The following GALNTL6 variants were observed in gnomAD, a reference collection of about 807,000 sequenced individuals.
GALNTL6 encodes the protein polypeptide N-acetylgalactosaminyltransferase-like 6.
GALNTL6 carries 46 observed loss-of-function variants against 73.7 expected under a neutral mutation model. The ratio of observed to expected loss-of-function variants is 0.62; its 90% CI spans 0.49 to 0.80. GALNTL6 has a LOEUF of 0.80. Ranked by LOEUF, GALNTL6 falls within the 30% of genes least tolerant of loss-of-function variation. The pLI, the probability that GALNTL6 is intolerant of heterozygous loss-of-function variation, is 0.00. For missense variants in GALNTL6, 604 were observed against 755.0 expected (o/e 0.80, Z 2.34); for synonymous variants, 259 against 263.7 (o/e 0.98, Z 0.17).
chr4:172,586,285 G>A (rs886250062), intron 5 of GALNTL6, among the ~76,000 whole-genome samples: 1 of 152,054 alleles, frequency 6.6e-6, no homozygotes, highest in Non-Finnish European at 1.5e-5. Context: ...CCTTTTATAT[G>A]TCACAGGATA....
At chr4:172,810,112 TAC>T (rs1741205415) in intron 6 of GALNTL6, among the ~76,000 whole-genome samples, 1 of 152,214 alleles carries the variant, frequency 6.6e-6, no homozygotes, top group Non-Finnish European at 1.5e-5. Context: ...GCCCTAAATA[TAC>T]AGTTCTTTGT....
chr4:172,671,402 G>A (rs939051357), intron 5 of GALNTL6, among the ~76,000 whole-genome samples: 1 of 151,492 alleles, frequency 6.6e-6, no homozygotes, highest in African/African-American at 2.4e-5. Context: ...ATTTTGTTTT[G>A]TGTGTGTGTT....
At chr4:172,376,414 G>A (rs1204510247) in intron 5 of GALNTL6, among the ~76,000 whole-genome samples, 2 of 152,090 alleles carry the variant, frequency 1.3e-5, no homozygotes, top group Non-Finnish European at 2.9e-5. Flanking sequence ...CGGCACCCCG[G>A]AGCTGAATGG....
intron 5 of GALNTL6, among the ~76,000 whole-genome samples, chr4:172,672,385 T>C (rs1285183964): frequency 1.3e-5 from 2 of 152,250 alleles, no homozygotes; most frequent in African/African-American, 2.4e-5. Flanking sequence ...CTACACTTTT[T>C]GATAGATAAC....
chr4:171,829,682 T>G (rs1734915545), intron 2 of GALNTL6, among the ~76,000 whole-genome samples: 1 of 152,120 alleles, frequency 6.6e-6, no homozygotes, highest in Non-Finnish European at 1.5e-5. Flanking sequence ...TGATGTTATA[T>G]CTTCTTTTTC....
At chr4:171,941,295 A>G (rs890803938) in intron 2 of GALNTL6, among the ~76,000 whole-genome samples, 15 of 152,122 alleles carry the variant, frequency 9.9e-5, no homozygotes, top group Non-Finnish European at 1.9e-4. Flanking sequence ...CACAAGTACC[A>G]TTTGATCTTC....
intron 2 of GALNTL6, among the ~76,000 whole-genome samples, chr4:172,059,388 T>C (rs569108733): frequency 6.6e-6 from 1 of 152,328 alleles, no homozygotes; most frequent in East Asian, 1.9e-4. Context: ...CCGAGGGCTA[T>C]GTGCTCATAC....
At chr4:172,139,672 G>T (rs374920043) in intron 2 of GALNTL6, among the ~76,000 whole-genome samples, 5 of 152,262 alleles carry the variant, frequency 3.3e-5, no homozygotes, top group African/African-American at 1.2e-4. Flanking sequence ...CAACATACTT[G>T]TGCCTTCCAG....
intron 2 of GALNTL6, among the ~76,000 whole-genome samples, chr4:171,894,782 A>C (rs1044098839): frequency 1.3e-5 from 2 of 152,188 alleles, no homozygotes; most frequent in African/African-American, 2.4e-5. Flanking sequence ...TCACACCATG[A>C]GCTGAAAGAG....
At chr4:172,224,675 C>T (rs917322521) in intron 2 of GALNTL6, among the ~76,000 whole-genome samples, 2 of 152,138 alleles carry the variant, frequency 1.3e-5, no homozygotes, top group African/African-American at 4.8e-5. Flanking sequence ...CAGGCATCAC[C>T]AGAGCCCATC....
chr4:172,282,379 T>C (rs1739091198), intron 3 of GALNTL6, among the ~76,000 whole-genome samples: 1 of 152,176 alleles, frequency 6.6e-6, no homozygotes, highest in South Asian at 2.1e-4. Flanking sequence ...ATTTACATGC[T>C]ACCCAGATTA....
Position 172,546,331 on chromosome 4 carries a change from A to T in GALNTL6, c.553+197642A>T, listed in dbSNP as rs140386549. On this transcript the variant is annotated intron_variant, in intron 5 of 12. Coordinates refer to ENST00000506823, the MANE Select transcript of GALNTL6 (RefSeq NM_001034845.3). ...TCTAGCAGCTATGCTAGTTGAAGGG[A>T]TATGATGTTGACAAAATAGTGATCA... 2.8e-4 allele frequency among the ~76,000 whole-genome samples: 43 copies of T among 152,326 alleles called. No homozygotes were observed. In the East Asian group the frequency reaches 6.6e-3, roughly 23 times the overall value.
intron 4 of GALNTL6, among the ~76,000 whole-genome samples, chr4:172,345,778 C>T (rs1220467426): frequency 6.6e-6 from 1 of 152,060 alleles, no homozygotes. Context: ...TGGTGCGGTT[C>T]AGGGAATGTG....
chr4:172,556,384 T>C (rs1736142041), intron 5 of GALNTL6, among the ~76,000 whole-genome samples: 1 of 152,082 alleles, frequency 6.6e-6, no homozygotes, highest in African/African-American at 2.4e-5. Flanking sequence ...GAGAAGGGTC[T>C]CTCCCCATGT....
chr4:172,667,252 A>G (rs1480655771), intron 5 of GALNTL6: 1 of 152,202 alleles, frequency 6.6e-6, no homozygotes, highest in Non-Finnish European at 1.5e-5. Flanking sequence ...TACTGGCTCC[A>G]TCACCTGTGT....
chr4:172,564,708 G>A (rs1736494731), intron 5 of GALNTL6, among the ~76,000 whole-genome samples: 1 of 152,182 alleles, frequency 6.6e-6, no homozygotes, highest in Non-Finnish European at 1.5e-5. Context: ...AATTGCATAG[G>A]AGAACAAGTA....
intron 2 of GALNTL6, among the ~76,000 whole-genome samples, chr4:171,911,419 T>C (rs1351498146): frequency 6.6e-6 from 1 of 152,210 alleles, no homozygotes; most frequent in African/African-American, 2.4e-5. Flanking sequence ...CCCAAAGTGC[T>C]GGGATTACAG....
At chr4:172,018,783 T>G (rs1050425971) in intron 2 of GALNTL6, among the ~76,000 whole-genome samples, 34 of 152,048 alleles carry the variant, frequency 2.2e-4, no homozygotes, top group African/African-American at 7.7e-4. Flanking sequence ...ACTACAAAAT[T>G]TAGTTTGAAG....
chr4:172,220,363 T>C (rs998760533), intron 2 of GALNTL6, among the ~76,000 whole-genome samples: 4 of 151,764 alleles, frequency 2.6e-5, no homozygotes, highest in African/African-American at 9.7e-5. Context: ...GGCTTACCAC[T>C]GTATCTCTAG....
Sources: gnomAD v4.1 joint callset for allele counts (sites outside exome capture counted in the v4.1 genomes callset) on GRCh38, gnomAD v4.1.1 for gene constraint, MANE v1.5 for transcripts, NCBI Gene and HGNC (gene_info 2026-07-23, HGNC 2026-07-21) for gene names.